ELMO1: variants seen among roughly 807,000 people sequenced by gnomAD.
ELMO1 encodes engulfment and cell motility 1, also known as engulfment and cell motility protein 1.
Under a neutral mutation model 98.9 loss-of-function variants are expected in ELMO1, and 26 were observed. The observed-to-expected ratio is 0.26, with a 90% CI of 0.19 to 0.36. The LOEUF (loss-of-function observed/expected upper bound fraction) is 0.36. Among genes scored for constraint, ELMO1 ranks in the 10% least tolerant of loss-of-function variants. The pLI is 1.00. For missense variants in ELMO1, 627 were observed against 935.2 expected, an observed-to-expected ratio of 0.67 and a Z score of 4.30; for synonymous variants, 346 against 346.0, an observed-to-expected ratio of 1.00 and a Z score of 0.00.
intron 4 of ELMO1, among the ~76,000 whole-genome samples, chr7:37,281,867 A>C (rs1425894334): frequency 6.6e-6 from 1 of 152,212 alleles, no homozygotes; most frequent in East Asian, 1.9e-4. Context: ...GACTGCACAC[A>C]ATGTACGAGG....
chr7:37,130,293 C>T (rs1179324681), intron 14 of ELMO1, among the ~76,000 whole-genome samples: 1 of 152,156 alleles, frequency 6.6e-6, no homozygotes, highest in African/African-American at 2.4e-5. Flanking sequence ...TGAGGAATCC[C>T]CATCCTTTGG....
At chr7:37,145,954 T>C (rs1006503363) in intron 13 of ELMO1, among the ~76,000 whole-genome samples, 2 of 152,126 alleles carry the variant, frequency 1.3e-5, no homozygotes, top group Admixed American at 1.3e-4. Context: ...TCCTCACCTC[T>C]TCACCCAGGA....
chr7:37,371,982 G>A (rs1238332163), intron 1 of ELMO1, among the ~76,000 whole-genome samples: 1 of 152,132 alleles, frequency 6.6e-6, no homozygotes, highest in East Asian at 1.9e-4. Context: ...CAGTGTCCCT[G>A]TTACTAAAAC....
intron 2 of ELMO1, among the ~76,000 whole-genome samples, chr7:37,327,676 T>C (rs1799888202): frequency 6.6e-6 from 1 of 152,200 alleles, no homozygotes; most frequent in Non-Finnish European, 1.5e-5. Context: ...TGAGTGGATG[T>C]ACTAATGGCA....
At chr7:37,241,682 C>A (rs1231505485) in intron 7 of ELMO1, among the ~76,000 whole-genome samples, 1 of 151,970 alleles carries the variant, frequency 6.6e-6, no homozygotes, top group Non-Finnish European at 1.5e-5. Context: ...TTAGTTGTGA[C>A]TCTGTGTATT....
rs1584376071 is a variant in ELMO1, at chr7:36,922,289, T to A, written c.1438-27272A>T. 2.7e-5 allele frequency among the ~76,000 whole-genome samples: 4 copies of A among 149,578 alleles called. No homozygotes were observed. The South Asian group carries it at 8.4e-4, about 31-fold the overall frequency. On this transcript the variant is annotated intron_variant, in intron 16 of 21. Transcript: ENST00000310758. Reference sequence around the variant, plus strand: ...AAGCTCATGAACTTCTATTTTATTTTATACTCTTAAACACTTTATCACTTT... The same window carrying A: ...AAGCTCATGAACTTCTATTTTATTTAATACTCTTAAACACTTTATCACTTT...
intron 16 of ELMO1, among the ~76,000 whole-genome samples, chr7:37,001,023 T>C (rs1413109477): frequency 2.0e-5 from 3 of 152,144 alleles, no homozygotes; most frequent in African/African-American, 7.2e-5. Flanking sequence ...CAGTTTCTTT[T>C]GCAAAAGTTC....
At chr7:37,321,079 C>T (rs1450205454) in intron 2 of ELMO1, among the ~76,000 whole-genome samples, 2 of 152,146 alleles carry the variant, frequency 1.3e-5, no homozygotes, top group Non-Finnish European at 2.9e-5. Context: ...ACAAGTATCA[C>T]CATCAGTAAG....
chr7:37,447,714 CCACACA>C lies in ELMO1; in HGVS notation c.-74+955_-74+960del, dbSNP rs3054415. 5.7e-3 allele frequency among the ~76,000 whole-genome samples: 759 copies of C among 132,220 alleles called. 15 individuals carry two copies. The East Asian group carries it at 0.081, about 14-fold the overall frequency. The allele number at this position is 132,220 out of a possible 152,430, so 86.7% of individuals were successfully genotyped here. On this transcript the variant is annotated intron_variant, in intron 1 of 21. Coordinates refer to ENST00000310758, the MANE Select transcript of ELMO1 (RefSeq NM_014800.11). Reference sequence around the variant, plus strand: ...ACATACATACGCGCGCGCGCACACACCACACACACACACACACACACACACACACAC... The same window carrying C: ...ACATACATACGCGCGCGCGCACACACCACACACACACACACACACACACAC...
intron 15 of ELMO1, among the ~76,000 whole-genome samples, chr7:37,096,234 A>G (rs1384676534): frequency 8.5e-5 from 13 of 152,200 alleles, no homozygotes; most frequent in Non-Finnish European, 1.6e-4. Context: ...ATTTTTCTTT[A>G]TAGAGAAAAA....
chr7:37,350,360 C>T (rs1247360800), intron 1 of ELMO1, among the ~76,000 whole-genome samples: 1 of 152,170 alleles, frequency 6.6e-6, no homozygotes, highest in Non-Finnish European at 1.5e-5. Context: ...CTACGGTTGG[C>T]TTGCAATATA....
chr7:37,338,358 C>T (rs1800534794), intron 2 of ELMO1, among the ~76,000 whole-genome samples: 1 of 152,108 alleles, frequency 6.6e-6, no homozygotes, highest in African/African-American at 2.4e-5. Context: ...TAAAAACATG[C>T]TTGACAGAGC....
rs1390638816 is a variant in ELMO1 at position 36,965,489 on chromosome 7, G to A, written c.1437+47810C>T. ...GGCACTGGAGAAAATGGCTCAGTAA[G>A]GGGAATTGCCGAGATGCTCAACCTG... is the stretch of plus-strand genomic sequence containing the variant. On this transcript the variant is annotated intron_variant, in intron 16 of 21. Transcript: ENST00000310758. Among the ~76,000 whole-genome samples, 6 of 152,300 alleles carry A rather than the reference G, an allele frequency of 3.9e-5. No individual in the cohort carries two copies. The South Asian group carries it at 1.0e-3, about 26-fold the overall frequency.
At chr7:37,416,341 T>A (rs1461204927) in intron 1 of ELMO1, among the ~76,000 whole-genome samples, 1 of 152,244 alleles carries the variant, frequency 6.6e-6, no homozygotes, top group Admixed American at 6.5e-5. Context: ...ACACATATAT[T>A]TTCCAAAGTT....
chr7:37,115,753 GAA>G (rs200879941), intron 14 of ELMO1, among the ~76,000 whole-genome samples: 2,505 of 108,730 alleles, frequency 0.023, 75 homozygotes, highest in African/African-American at 0.077. Flanking sequence ...AGTGCAATAA[GAA>G]AAAAAAAAAA....
chr7:37,402,146 T>A (rs924708343), intron 1 of ELMO1, among the ~76,000 whole-genome samples: 5 of 152,224 alleles, frequency 3.3e-5, no homozygotes, highest in African/African-American at 1.2e-4. Context: ...GGGGCCTCAG[T>A]CATGAACCTG....
rs191104660 is a variant in ELMO1, at chr7:36,923,447, A to T, written c.1438-28430T>A. On this transcript the variant is annotated intron_variant, in intron 16 of 21. Transcript: ENST00000310758. ...ATTGAAAGCCTACAAGGAAGAAAAT[A>T]ATGATAAAAACCCTTGTATTGGTTG... Among the ~76,000 whole-genome samples, 244 of 152,310 alleles carry T rather than the reference A, an allele frequency of 1.6e-3. 5 individuals carry two copies. In the South Asian group the frequency reaches 0.03, roughly 19 times the overall value.
At chr7:37,045,231 T>G (rs1392618563) in intron 15 of ELMO1, among the ~76,000 whole-genome samples, 1 of 152,212 alleles carries the variant, frequency 6.6e-6, no homozygotes, top group South Asian at 2.1e-4. Context: ...GAATAATGTA[T>G]GGACTTCAGC....
chr7:37,255,254 T>A (rs1317280768), intron 6 of ELMO1, among the ~76,000 whole-genome samples: 1 of 152,042 alleles, frequency 6.6e-6, no homozygotes, highest in Non-Finnish European at 1.5e-5. Context: ...CTTGTCCTTA[T>A]AAGAAAAGGA....
Sources: gnomAD v4.1 joint callset for allele counts (sites outside exome capture counted in the v4.1 genomes callset) on GRCh38, gnomAD v4.1.1 for gene constraint, MANE v1.5 for transcripts, NCBI Gene and HGNC (gene_info 2026-07-23, HGNC 2026-07-21) for gene names.